The following CTNNA1 variants were observed in gnomAD, a reference collection of about 807,000 sequenced individuals.
The protein encoded by CTNNA1 is catenin alpha-1.
In CTNNA1, 37 loss-of-function variants were observed where a neutral mutation model predicts 98.4. The observed-to-expected ratio is 0.38, with a 90% CI of 0.29 to 0.49. CTNNA1 has a LOEUF of 0.49. CTNNA1 is among the 20% of genes least tolerant of loss of function. CTNNA1 has a pLI of 0.95. For synonymous variants in CTNNA1, 404 were observed against 413.2 expected (o/e 0.98, Z 0.27); for missense variants, 761 against 1,147.2 (o/e 0.66, Z 4.86).
intron 5 of CTNNA1, among the ~76,000 whole-genome samples, chr5:138,813,107 TTAAGTA>T (rs527305219): frequency 1.3e-5 from 2 of 152,218 alleles, no homozygotes; most frequent in Non-Finnish European, 2.9e-5. Flanking sequence ...TATTTTCTCA[TTAAGTA>T]TAAGTCCTGA....
chr5:138,766,845 C>A (rs1752991260), intron 1 of CTNNA1, among the ~76,000 whole-genome samples: 1 of 152,210 alleles, frequency 6.6e-6, no homozygotes, highest in Admixed American at 6.5e-5. Flanking sequence ...TCACTTCCCA[C>A]CTTCACTGTG....
chr5:138,873,025 T>C lies in CTNNA1; in HGVS notation c.1063-13187T>C. 1 of 1,605,828 alleles carries C rather than the reference T, an allele frequency of 6.2e-7. No homozygotes were observed. Among genetic ancestry groups the C allele is most frequent in the Non-Finnish European group, 8.5e-7 (1 of 1,175,576 alleles). On this transcript the variant is annotated intron_variant, in intron 7 of 17. Coordinates refer to ENST00000302763, the MANE Select transcript of CTNNA1 (RefSeq NM_001903.5). The surrounding 1 kb of genome is among the most constrained non-coding windows in gnomAD (Gnocchi z 6.1). ...TGGGTAGATATTATACTTCACATTC[T>C]TTGTATGGCAGCTGCTGACACTTGC...
intron 3 of CTNNA1, among the ~76,000 whole-genome samples, chr5:138,801,451 A>C (rs1757565155): frequency 6.6e-6 from 1 of 152,176 alleles, no homozygotes; most frequent in South Asian, 2.1e-4. Context: ...AAATTGTTGC[A>C]AATCTCTGAA....
chr5:138,932,370 A>G (rs1021061657), intron 16 of CTNNA1: 9 of 1,402,746 alleles, frequency 6.4e-6, no homozygotes, highest in African/African-American at 4.3e-5. Context: ...TCAGGGTCCC[A>G]TGGACGACTT....
chr5:138,827,309 G>A (rs1456328820), intron 6 of CTNNA1, among the ~76,000 whole-genome samples: 1 of 152,190 alleles, frequency 6.6e-6, no homozygotes, highest in Non-Finnish European at 1.5e-5. Context: ...TGGCTACATA[G>A]CATTACTTCC....
intron 1 of CTNNA1, among the ~76,000 whole-genome samples, chr5:138,777,628 G>T (rs1412168278): frequency 6.6e-6 from 1 of 152,008 alleles, no homozygotes; most frequent in Non-Finnish European, 1.5e-5. Flanking sequence ...GGCCGAGGCT[G>T]GCGGATCACT....
chr5:138,929,736 A>C (rs189177279), intron 14 of CTNNA1, among the ~76,000 whole-genome samples: 1 of 152,368 alleles, frequency 6.6e-6, no homozygotes, highest in Admixed American at 6.5e-5. Flanking sequence ...TTTAAAAAAT[A>C]ACAGTGGTAC....
chr5:138,790,037 A>G (rs534194713), intron 3 of CTNNA1, among the ~76,000 whole-genome samples: 4 of 152,192 alleles, frequency 2.6e-5, no homozygotes, highest in African/African-American at 9.6e-5. Flanking sequence ...TTTTGCAGGG[A>G]GATTAGTGTT....
intron 7 of CTNNA1, among the ~76,000 whole-genome samples, chr5:138,882,947 G>T (rs1201308489): frequency 1.3e-5 from 2 of 152,196 alleles, no homozygotes; most frequent in Non-Finnish European, 2.9e-5. Context: ...TCCTGTCTCA[G>T]CCTCCCGAGT....
At chr5:138,887,671 G>A (rs1211944677) in intron 9 of CTNNA1, 29 bp downstream of exon 9, 1 of 1,587,778 alleles carries the variant, frequency 6.3e-7, no homozygotes, top group South Asian at 1.2e-5. Flanking sequence ...TCATTGACTT[G>A]TAGGCAACTT....
At chr5:138,806,263 C>T (rs1209689517) in intron 3 of CTNNA1, among the ~76,000 whole-genome samples, 2 of 151,440 alleles carry the variant, frequency 1.3e-5, no homozygotes, top group Non-Finnish European at 2.9e-5. Context: ...GTCTGGCCTT[C>T]TTGTTTTTGA....
At chr5:138,832,637 A>G (rs1761375144) in intron 7 of CTNNA1, among the ~76,000 whole-genome samples, 1 of 152,194 alleles carries the variant, frequency 6.6e-6, no homozygotes, top group Non-Finnish European at 1.5e-5. Flanking sequence ...TACCACTACT[A>G]TTAGCATTTA....
chr5:138,893,338 A>T (rs1448510615), intron 9 of CTNNA1, among the ~76,000 whole-genome samples: 1 of 152,046 alleles, frequency 6.6e-6, no homozygotes, highest in Non-Finnish European at 1.5e-5. Context: ...CTTTCCATAC[A>T]TAGGTGCTGC....
chr5:138,931,118 A>G, intron 16 of CTNNA1, 183 bp downstream of exon 16: 1 of 588,354 alleles, frequency 1.7e-6, no homozygotes. Flanking sequence ...TATGTCCTGG[A>G]ATCTTCCATC....
In CTNNA1 at chr5:138,812,260, T is replaced by C. The variant is rs28363395; in HGVS notation, c.546T>C (p.Pro182=). The C allele has an allele frequency of 6.2e-7, 1 of 1,613,880 alleles. No individual in the cohort carries two copies. The highest frequency in any genetic ancestry group is 8.5e-7 in the Non-Finnish European group (1 of 1,179,912). Residue 182 remains proline, a synonymous_variant, in exon 5 of 18, where the codon CCT becomes CCC. Transcript: ENST00000302763. ...GAATCCAGTATAAAGCCCTAAAACC[T>C]GAAGTGGATAAGCTGAACATTATGG... is the stretch of plus-strand genomic sequence containing the variant. The part of the protein sequence containing the change: ...DLGIQYKALK[P]EVDKLNIMAA...
At chr5:138,909,739 T>A (rs1760128360) in intron 10 of CTNNA1, among the ~76,000 whole-genome samples, 1 of 152,234 alleles carries the variant, frequency 6.6e-6, no homozygotes, top group Non-Finnish European at 1.5e-5. Flanking sequence ...TCCATATTGC[T>A]TCTTCTGTCA....
chr5:138,848,593 C>T (rs1020480051), intron 7 of CTNNA1, among the ~76,000 whole-genome samples: 1 of 152,150 alleles, frequency 6.6e-6, no homozygotes, highest in Non-Finnish European at 1.5e-5. Context: ...AAGACTGTGT[C>T]CCTGTTGACT....
At chr5:138,896,686 G>T (rs1756883929) in intron 9 of CTNNA1, among the ~76,000 whole-genome samples, 1 of 152,146 alleles carries the variant, frequency 6.6e-6, no homozygotes, top group East Asian at 1.9e-4. Flanking sequence ...AGCACTGAGG[G>T]CATTTCTTTC....
chr5:138,837,115 C>A (rs1761852806), intron 7 of CTNNA1, among the ~76,000 whole-genome samples: 2 of 152,074 alleles, frequency 1.3e-5, no homozygotes, highest in Admixed American at 1.3e-4. Context: ...ACTAGTTTGG[C>A]TAAAGTGGTT....
Sources: allele counts gnomAD v4.1 joint callset (sites outside exome capture counted in the v4.1 genomes callset), GRCh38; gene constraint gnomAD v4.1.1; non-coding constraint Gnocchi (gnomAD v3.1); transcripts MANE v1.5; gene names NCBI Gene and HGNC (gene_info 2026-07-23, HGNC 2026-07-21).